Variants in ELAVL4 observed in about 807,000 individuals in gnomAD.
ELAVL4 encodes ELAV-like protein 4.
A neutral mutation model predicts 35.6 loss-of-function variants in ELAVL4; 1 was observed. The ratio of observed to expected loss-of-function variants is 0.03; its 90% CI spans 0.01 to 0.13. ELAVL4 has a LOEUF of 0.13. Among genes scored for constraint, ELAVL4 ranks in the 10% least tolerant of loss-of-function variants. ELAVL4 has a pLI of 1.00. For synonymous variants in ELAVL4, 156 were observed against 171.0 expected (o/e 0.91, Z 0.69); for missense variants, 267 against 464.9 (o/e 0.57, Z 3.91).
At chr1:50,065,561 T>G (rs1423123814) in intron 1 of ELAVL4, among the ~76,000 whole-genome samples, 3 of 152,142 alleles carry the variant, frequency 2.0e-5, no homozygotes, top group African/African-American at 7.2e-5. Context: ...AAATAATCCC[T>G]GCAAAGTGCT....
upstream of ELAVL4, chr1:50,104,094 A>T: frequency 7.9e-6 from 11 of 1,394,594 alleles, no homozygotes; most frequent in Non-Finnish European, 1.0e-5. Flanking sequence ...TAACAAGACT[A>T]TGGGTCCTTA....
At position 50,193,821 on chromosome 1, in the gene ELAVL4, C is replaced by A. The variant is rs374149997; in HGVS notation, c.411C>A (p.Ser137Arg). 1 of 1,614,044 alleles carries A rather than the reference C, an allele frequency of 6.2e-7. No homozygotes were observed. Among genetic ancestry groups the A allele is most frequent in the Non-Finnish European group, 8.5e-7 (1 of 1,179,968 alleles). ...ASIRDANLYV[S>R]GLPKTMTQKE... Reference sequence around the variant, plus strand: ...TCAGGGATGCTAACCTCTATGTTAGCGGCCTTCCCAAAACCATGACCCAGA... The same window carrying A: ...TCAGGGATGCTAACCTCTATGTTAGAGGCCTTCCCAAAACCATGACCCAGA... The change falls in exon 4 of 7, where the codon AGC becomes AGA. Residue 137 changes from serine to arginine, a missense_variant. Physicochemically the swap from Ser to Arg is moderately radical, Grantham distance 110 (BLOSUM62 -1). Coordinates refer to ENST00000371824, the MANE Select transcript of ELAVL4 (RefSeq NM_001144774.3).
chr1:50,098,445 A>G (rs558231095), intron 1 of ELAVL4, among the ~76,000 whole-genome samples: 1 of 152,374 alleles, frequency 6.6e-6, no homozygotes, highest in Middle Eastern at 3.4e-3. Context: ...GAAGCCTAGC[A>G]TCATTGTGGT....
chr1:50,124,519 A>G (rs1218088600), intron 1 of ELAVL4, among the ~76,000 whole-genome samples: 1 of 152,150 alleles, frequency 6.6e-6, no homozygotes, highest in East Asian at 1.9e-4. Flanking sequence ...CTGGGAATTT[A>G]AAACCTAGTT....
At position 50,201,135 on chromosome 1, in the gene ELAVL4, T is replaced by C; in HGVS notation, c.1058T>C (p.Val353Ala). 6.2e-7 allele frequency: 1 copy of C among 1,607,364 alleles called. No individual in the cohort carries two copies. Among genetic ancestry groups the C allele is most frequent in the Non-Finnish European group, 8.5e-7 (1 of 1,176,634 alleles). ...AACGGGTACCGCCTGGGAGACAGAGTGTTGCAAGTTTCCTTTAAAACCAAC... is the reference window on the plus strand; with the variant it reads ...AACGGGTACCGCCTGGGAGACAGAGCGTTGCAAGTTTCCTTTAAAACCAAC... ...SLNGYRLGDRVLQVSFKTNKA... is the reference protein window; with the variant it reads ...SLNGYRLGDRALQVSFKTNKA... The change falls in exon 7 of 7, where the codon GTG (valine) becomes GCG (alanine). Residue 353 changes from valine (V) to alanine (A), a missense_variant. Physicochemically the swap from Val to Ala is moderately conservative, Grantham distance 64. This residue lies in a region of ELAVL4 where 216 missense variants were observed against 409.5 expected (regional missense o/e 0.53). Coordinates refer to ENST00000371824, the MANE Select transcript of ELAVL4 (RefSeq NM_001144774.3). This position sits in a 1 kb window ranked among gnomAD's most constrained non-coding sequence, Gnocchi z 4.3.
chr1:50,088,145 C>G (rs1163246987), intron 1 of ELAVL4, among the ~76,000 whole-genome samples: 1 of 152,170 alleles, frequency 6.6e-6, no homozygotes, highest in Non-Finnish European at 1.5e-5. Flanking sequence ...TTATTGTTGA[C>G]TGGAAACATC....
chr1:50,132,735 A>ATAC (rs1271215553), intron 1 of ELAVL4, among the ~76,000 whole-genome samples: 2 of 152,184 alleles, frequency 1.3e-5, no homozygotes, highest in Non-Finnish European at 2.9e-5. Context: ...ATCATTTTTA[A>ATAC]TACTGTGACT....
chr1:50,085,095 C>T (rs1665180578), intron 1 of ELAVL4, among the ~76,000 whole-genome samples: 1 of 152,122 alleles, frequency 6.6e-6, no homozygotes, highest in Admixed American at 6.6e-5. Flanking sequence ...CCCAGCATCC[C>T]AAAGTGTATA....
At chr1:50,113,956 G>A (rs969689035) in intron 1 of ELAVL4, among the ~76,000 whole-genome samples, 17 of 152,010 alleles carry the variant, frequency 1.1e-4, no homozygotes, top group African/African-American at 2.4e-4. Flanking sequence ...TAAATGGAGA[G>A]AAAACCAAAC....
At chr1:50,144,927 G>T (rs762762550) in intron 1 of ELAVL4, 30 bp from the exon 2 acceptor site, 3 of 1,594,956 alleles carry the variant, frequency 1.9e-6, no homozygotes, top group Non-Finnish European at 2.6e-6. Context: ...ATTTCAAAAG[G>T]CTTTTTCAAT....
intron 1 of ELAVL4, among the ~76,000 whole-genome samples, chr1:50,070,708 T>C (rs1453558026): frequency 8.0e-6 from 1 of 124,938 alleles, no homozygotes; most frequent in Non-Finnish European, 1.6e-5. Context: ...GCCACTGCAC[T>C]CCAGCCTGGG....
At chr1:50,109,821 T>G in intron 1 of ELAVL4, 1 of 1,264,288 alleles carries the variant, frequency 7.9e-7, no homozygotes, top group Non-Finnish European at 1.1e-6. Context: ...GTGCCTGGCG[T>G]GTTGAGTTGT....
chr1:50,148,090 C>T (rs1674063887), intron 2 of ELAVL4, among the ~76,000 whole-genome samples: 1 of 152,220 alleles, frequency 6.6e-6, no homozygotes, highest in African/African-American at 2.4e-5. Context: ...GTGCTGGATA[C>T]TTGCTAAGCG....
At chr1:50,154,856 G>A (rs973952306) in intron 2 of ELAVL4, among the ~76,000 whole-genome samples, 1 of 150,368 alleles carries the variant, frequency 6.7e-6, no homozygotes, top group Non-Finnish European at 1.5e-5. Context: ...ATTTTCATTG[G>A]CTTATTAGAT....
intron 1 of ELAVL4, among the ~76,000 whole-genome samples, chr1:50,075,495 G>T (rs1479594786): frequency 6.6e-6 from 1 of 152,236 alleles, no homozygotes; most frequent in Non-Finnish European, 1.5e-5. Flanking sequence ...AGAAGGGGAA[G>T]TGGGAGCTCT....
chr1:50,158,864 C>T (rs1199345254), intron 2 of ELAVL4, among the ~76,000 whole-genome samples: 1 of 151,978 alleles, frequency 6.6e-6, no homozygotes, highest in Non-Finnish European at 1.5e-5. Flanking sequence ...AATGGTGAAA[C>T]TCCATCTCTA....
chr1:50,170,020 A>G (rs896092874), intron 2 of ELAVL4, among the ~76,000 whole-genome samples: 3 of 152,172 alleles, frequency 2.0e-5, no homozygotes, highest in African/African-American at 7.2e-5. Context: ...GGTGCTAGTT[A>G]TATGTGGGAT....
chr1:50,188,483 C>A (rs1160528051), intron 3 of ELAVL4, among the ~76,000 whole-genome samples: 1 of 152,148 alleles, frequency 6.6e-6, no homozygotes, highest in Non-Finnish European at 1.5e-5. Context: ...AAGTTCTAAA[C>A]CAATTGAGAA....
At chr1:50,170,390 C>T (rs1219726113) in intron 2 of ELAVL4, among the ~76,000 whole-genome samples, 1 of 152,154 alleles carries the variant, frequency 6.6e-6, no homozygotes, top group African/African-American at 2.4e-5. Flanking sequence ...AGAGCTTTCC[C>T]ATCAGAGCTT....
Sources: gnomAD v4.1 joint callset for allele counts (sites outside exome capture counted in the v4.1 genomes callset) on GRCh38, gnomAD v4.1.1 for gene constraint, gnomAD v4.1.1 regional missense constraint, Gnocchi (gnomAD v3.1) non-coding constraint, MANE v1.5 for transcripts, NCBI Gene and HGNC (gene_info 2026-07-23, HGNC 2026-07-21) for gene names.